Variants in TMCC1 observed in about 807,000 individuals in gnomAD.
TMCC1 encodes the protein transmembrane and coiled-coil domains protein 1.
A neutral mutation model predicts 52.4 loss-of-function variants in TMCC1; 15 were observed. The observed-to-expected ratio is 0.29, with a 90% CI of 0.19 to 0.44. The LOEUF (loss-of-function observed/expected upper bound fraction) is 0.44. Among genes scored for constraint, TMCC1 ranks in the 20% least tolerant of loss-of-function variants. TMCC1 has a pLI of 1.00. For missense variants in TMCC1, 503 were observed against 806.0 expected (o/e 0.62, Z 4.55); for synonymous variants, 279 against 301.9 (o/e 0.92, Z 0.79).
intron 5 of TMCC1, among the ~76,000 whole-genome samples, chr3:129,669,051 A>C (rs1266055839): frequency 1.3e-5 from 2 of 152,234 alleles, no homozygotes; most frequent in Admixed American, 6.5e-5. Flanking sequence ...GTTAGAATTG[A>C]AGAACAGAAG....
At chr3:129,726,641 A>C (rs188122695) in intron 4 of TMCC1, among the ~76,000 whole-genome samples, 1 of 151,706 alleles carries the variant, frequency 6.6e-6, no homozygotes, top group Non-Finnish European at 1.5e-5. Context: ...CACTTTAGGA[A>C]GGCGAGGTGG....
intron 4 of TMCC1, among the ~76,000 whole-genome samples, chr3:129,800,808 A>G (rs1466363255): frequency 6.6e-6 from 1 of 152,152 alleles, no homozygotes; most frequent in Non-Finnish European, 1.5e-5. Flanking sequence ...CCTACTAAAC[A>G]TCAGACATGA....
At chr3:129,751,156 C>T (rs1386467003) in intron 4 of TMCC1, among the ~76,000 whole-genome samples, 1 of 151,854 alleles carries the variant, frequency 6.6e-6, no homozygotes, top group Non-Finnish European at 1.5e-5. Flanking sequence ...AGCTGAGATC[C>T]TGCCACTGCA....
At chr3:129,791,017 T>C (rs1190519787) in intron 4 of TMCC1, among the ~76,000 whole-genome samples, 1 of 152,158 alleles carries the variant, frequency 6.6e-6, no homozygotes, top group Non-Finnish European at 1.5e-5. Flanking sequence ...AGTTTATTTA[T>C]TGTTTTCTAT....
rs547210293 is a variant in TMCC1, at chr3:129,849,106, C to T, written c.-183-16280G>A. On this transcript the variant is annotated intron_variant, in intron 2 of 6. Transcript: ENST00000393238. The stretch of plus-strand genomic sequence containing the variant: ...TACTACTATTAAACATGTACCACAT[C>T]ATGATCATAAATTTAACAGAGCAAG... 5.3e-5 allele frequency among the ~76,000 whole-genome samples: 8 copies of T among 152,206 alleles called. 1 individual carries two copies. Among genetic ancestry groups the T allele is most frequent in the Admixed American group, 5.2e-4 (8 of 15,282 alleles).
At chr3:129,688,216 A>G in intron 4 of TMCC1, 1 of 985,420 alleles carries the variant, frequency 1.0e-6, no homozygotes, top group Non-Finnish European at 1.2e-6. Context: ...TTTGCTTGCC[A>G]CAAAGCTCAT....
At chr3:129,769,632 T>C (rs537643277) in intron 4 of TMCC1, among the ~76,000 whole-genome samples, 2 of 152,000 alleles carry the variant, frequency 1.3e-5, no homozygotes, top group Non-Finnish European at 2.9e-5. Context: ...CTTCTTCCAA[T>C]GTGGTGTAGG....
At chr3:129,714,068 G>A (rs2048891146) in intron 4 of TMCC1, among the ~76,000 whole-genome samples, 2 of 152,138 alleles carry the variant, frequency 1.3e-5, no homozygotes, top group Non-Finnish European at 2.9e-5. Flanking sequence ...TGTAAAATAG[G>A]ACAATATGGG....
At chr3:129,866,379 T>TG (rs1179417712) in intron 2 of TMCC1, among the ~76,000 whole-genome samples, 1 of 119,318 alleles carries the variant, frequency 8.4e-6, no homozygotes, top group African/African-American at 3.3e-5. Flanking sequence ...TATATATATG[T>TG]TTTTTTTTTT....
In TMCC1 at chr3:129,744,139, T is replaced by C. The variant is rs2051709966; in HGVS notation, c.577-72875A>G. On this transcript the variant is annotated intron_variant, in intron 4 of 6. Transcript: ENST00000393238. ...ATAGATGCTTACATAGCTGATAAGA[T>C]ATCTGAACCTTACAATTTCACCTTT... 1.3e-5 allele frequency among the ~76,000 whole-genome samples: 2 copies of C among 152,298 alleles called. 1 individual carries two copies. Among genetic ancestry groups the C allele is most frequent in the South Asian group, 4.1e-4 (2 of 4,828 alleles).
chr3:129,715,864 TAA>T (rs1237665448), intron 4 of TMCC1, among the ~76,000 whole-genome samples: 1 of 152,206 alleles, frequency 6.6e-6, no homozygotes, highest in African/African-American at 2.4e-5. Flanking sequence ...TTTATATTTA[TAA>T]AGTGTTTCTG....
At position 129,852,456 on chromosome 3, in the gene TMCC1, C is replaced by CAAAAAAAA. The variant is rs1015860543; in HGVS notation, c.-183-19638_-183-19631dup. ...TGGGTGACAGAACGAGACACCGTCT[C>CAAAAAAAA]AAAAAAAAAAAAAAAAAAAAAAAAA... On this transcript the variant is annotated intron_variant, in intron 2 of 6. Coordinates refer to ENST00000393238, the MANE Select transcript of TMCC1 (RefSeq NM_001017395.5). Among the ~76,000 whole-genome samples the CAAAAAAAA allele has an allele frequency of 1.8e-4, 7 of 39,834 alleles. 1 individual carries two copies. Among genetic ancestry groups the CAAAAAAAA allele is most frequent in the African/African-American group, 6.5e-4 (7 of 10,798 alleles). The allele number at this position is 39,834 out of a possible 152,430, so 26.1% of individuals were successfully genotyped here.
chr3:129,831,999 C>T (rs1036297266), intron 3 of TMCC1, among the ~76,000 whole-genome samples: 10 of 152,062 alleles, frequency 6.6e-5, no homozygotes, highest in East Asian at 5.8e-4. Flanking sequence ...GGATTACAGG[C>T]GCCCACCACC....
intron 4 of TMCC1, among the ~76,000 whole-genome samples, chr3:129,739,910 G>A (rs1010198132): frequency 6.6e-6 from 1 of 152,234 alleles, no homozygotes; most frequent in African/African-American, 2.4e-5. Context: ...GGGTAAACTA[G>A]ATTTAAGATT....
intron 4 of TMCC1, among the ~76,000 whole-genome samples, chr3:129,748,002 T>C (rs2052134790): frequency 6.6e-6 from 1 of 152,210 alleles, no homozygotes; most frequent in Non-Finnish European, 1.5e-5. Context: ...TAAACCATTT[T>C]CACACAGGAT....
At chr3:129,689,858 T>C (rs975025900) in intron 4 of TMCC1, among the ~76,000 whole-genome samples, 8 of 152,242 alleles carry the variant, frequency 5.3e-5, no homozygotes, top group East Asian at 1.9e-4. Context: ...TTTGATTTAA[T>C]AGAAGTTTTG....
intron 1 of TMCC1, among the ~76,000 whole-genome samples, chr3:129,886,791 A>T (rs1209341466): frequency 6.6e-6 from 1 of 151,458 alleles, no homozygotes; most frequent in Non-Finnish European, 1.5e-5. Flanking sequence ...AAAAAAAATT[A>T]GCCAGGTGTG....
intron 4 of TMCC1, among the ~76,000 whole-genome samples, chr3:129,704,626 C>T (rs1049838768): frequency 2.8e-4 from 43 of 152,112 alleles, no homozygotes; most frequent in African/African-American, 1.0e-3. Context: ...ACCATGTTGG[C>T]CAGGCTGGTC....
chr3:129,796,847 T>G (rs1410031099), intron 4 of TMCC1, among the ~76,000 whole-genome samples: 3 of 152,058 alleles, frequency 2.0e-5, no homozygotes, highest in Non-Finnish European at 4.4e-5. Context: ...AAAAACTAAA[T>G]AAAACATCAA....
Sources: gnomAD v4.1 joint callset for allele counts (sites outside exome capture counted in the v4.1 genomes callset) on GRCh38, gnomAD v4.1.1 for gene constraint, MANE v1.5 for transcripts, NCBI Gene and HGNC (gene_info 2026-07-23, HGNC 2026-07-21) for gene names.